PARN: variants seen among roughly 807,000 people sequenced by gnomAD.
PARN encodes the protein poly(A)-specific ribonuclease PARN.
Under a neutral mutation model 102.8 loss-of-function variants are expected in PARN, and 71 were observed. That is an observed-to-expected ratio of 0.69 (90% confidence interval 0.57 to 0.84). PARN has a LOEUF of 0.84. Ranked by LOEUF, PARN falls within the 40% of genes least tolerant of loss-of-function variation. The pLI, the probability that PARN is intolerant of heterozygous loss-of-function variation, is 0.00. For synonymous variants in PARN, 261 were observed against 252.9 expected (o/e 1.03, Z -0.30); for missense variants, 782 against 760.9 (o/e 1.03, Z -0.33).
chr16:14,578,127 G>A (rs1326061963), intron 18 of PARN, among the ~76,000 whole-genome samples: 5 of 148,408 alleles, frequency 3.4e-5, no homozygotes, highest in East Asian at 4.2e-4. Context: ...TCAGGAGTTT[G>A]AGACCAGCCT....
intron 21 of PARN, among the ~76,000 whole-genome samples, chr16:14,486,872 G>T (rs1173292432): frequency 1.3e-5 from 2 of 152,234 alleles, no homozygotes; most frequent in Non-Finnish European, 2.9e-5. Flanking sequence ...AATTTGTCAG[G>T]GAAATGATTC....
At chr16:14,613,760 G>C (rs772935994) in intron 6 of PARN, among the ~76,000 whole-genome samples, 5 of 152,174 alleles carry the variant, frequency 3.3e-5, no homozygotes, top group African/African-American at 4.8e-5. Flanking sequence ...GGCAAAAAAA[G>C]TGGTCCACGT....
chr16:14,514,407 C>T (rs373081545), intron 21 of PARN, among the ~76,000 whole-genome samples: 2 of 152,034 alleles, frequency 1.3e-5, no homozygotes, highest in African/African-American at 2.4e-5. Flanking sequence ...AGGATGATCT[C>T]GATCTCCTGA....
intron 22 of PARN, among the ~76,000 whole-genome samples, chr16:14,473,459 T>C (rs1962863211): frequency 6.6e-6 from 1 of 152,248 alleles, no homozygotes; most frequent in South Asian, 2.1e-4. Context: ...GCTAAGGCTC[T>C]ATCCCAAGGG....
At chr16:14,478,176 TGTG>T (rs1963177047) in intron 22 of PARN, among the ~76,000 whole-genome samples, 1 of 151,998 alleles carries the variant, frequency 6.6e-6, no homozygotes, top group African/African-American at 2.4e-5. Flanking sequence ...ATTAGCCAAG[TGTG>T]GTGGTGCACA....
At chr16:14,455,134 C>T (rs1397479373) in intron 22 of PARN, among the ~76,000 whole-genome samples, 4 of 152,168 alleles carry the variant, frequency 2.6e-5, no homozygotes, top group Non-Finnish European at 5.9e-5. Flanking sequence ...CAAGTATTAA[C>T]TAATATTTGT....
chr16:14,629,722 G>T, intron 1 of PARN, 48 bp from the exon 2 acceptor site: 1 of 1,391,226 alleles, frequency 7.2e-7, no homozygotes, highest in South Asian at 1.2e-5. Context: ...CTGAATTCCT[G>T]CTAAGGGGAG....
chr16:14,516,443 CA>C (rs1315221052), intron 21 of PARN, among the ~76,000 whole-genome samples: 1 of 151,962 alleles, frequency 6.6e-6, no homozygotes, highest in Admixed American at 6.6e-5. Flanking sequence ...ATATACATTT[CA>C]GTAAAACTAG....
chr16:14,630,007 C>T, intron 1 of PARN, 100 bp downstream of exon 1: 1 of 1,117,166 alleles, frequency 9.0e-7, no homozygotes, highest in Non-Finnish European at 1.3e-6. Context: ...GGGGCTGCCT[C>T]AGCCCCAGGC....
At chr16:14,457,797 C>CAAAA (rs35170336) in intron 22 of PARN, among the ~76,000 whole-genome samples, 3 of 30,150 alleles carry the variant, frequency 1.0e-4, no homozygotes, top group Non-Finnish European at 1.6e-4. Context: ...GACTCTGTCT[C>CAAAA]AAAAAAAAAA....
chr16:14,537,550 T>C (rs988879469), intron 21 of PARN, among the ~76,000 whole-genome samples: 2 of 152,092 alleles, frequency 1.3e-5, no homozygotes, highest in Admixed American at 6.5e-5. Flanking sequence ...CATCAAAAGA[T>C]GAGTGGATAA....
At chr16:14,513,374 T>C (rs1167630180) in intron 21 of PARN, among the ~76,000 whole-genome samples, 3 of 152,220 alleles carry the variant, frequency 2.0e-5, no homozygotes, top group Non-Finnish European at 2.9e-5. Context: ...TCTCAAACCA[T>C]TTTGAAGCCA....
chr16:14,621,486 T>A lies in PARN; in HGVS notation c.328-3836A>T, dbSNP rs531925241. On this transcript the variant is annotated intron_variant, in intron 5 of 23. Coordinates refer to ENST00000437198, the MANE Select transcript of PARN (RefSeq NM_002582.4). ...AATACGGTTAGAATAGTAAAATTTA[T>A]GTTACATATATTTTACCACAATTTT... Among the ~76,000 whole-genome samples, 29 of 152,348 alleles carry A rather than the reference T, an allele frequency of 1.9e-4. No homozygotes were observed. The South Asian group carries it at 5.8e-3, about 30-fold the overall frequency.
intron 6 of PARN, among the ~76,000 whole-genome samples, chr16:14,615,316 AAAC>A (rs1265498823): frequency 1.3e-5 from 2 of 152,088 alleles, no homozygotes; most frequent in Admixed American, 6.6e-5. Flanking sequence ...AAAAAAAAAA[AAAC>A]AAGTTAGAAC....
At chr16:14,603,255 T>G (rs1970984977) in intron 11 of PARN, among the ~76,000 whole-genome samples, 2 of 152,146 alleles carry the variant, frequency 1.3e-5, no homozygotes, top group South Asian at 4.1e-4. Flanking sequence ...GTTTCTGCGT[T>G]GTCCTTTTTA....
At chr16:14,567,723 G>C (rs1162682493) in intron 18 of PARN, among the ~76,000 whole-genome samples, 1 of 152,198 alleles carries the variant, frequency 6.6e-6, no homozygotes, top group African/African-American at 2.4e-5. Context: ...CTGGGAAAGG[G>C]ATGAGAAGGG....
intron 22 of PARN, among the ~76,000 whole-genome samples, chr16:14,453,111 T>TA (rs1961534957): frequency 6.6e-6 from 1 of 152,240 alleles, no homozygotes; most frequent in Non-Finnish European, 1.5e-5. Flanking sequence ...CATACAGATT[T>TA]ATAATGTACA....
chr16:14,495,276 C>T (rs1964253789), intron 21 of PARN, among the ~76,000 whole-genome samples: 1 of 151,998 alleles, frequency 6.6e-6, no homozygotes, highest in Admixed American at 6.5e-5. Flanking sequence ...CACTCGAGTT[C>T]ACGGGTTTGA....
chr16:14,561,529 T>C (rs960106031), intron 18 of PARN, among the ~76,000 whole-genome samples: 10 of 152,244 alleles, frequency 6.6e-5, no homozygotes, highest in African/African-American at 2.4e-4. Flanking sequence ...TTGTTTATAT[T>C]AAATCATTCT....
Sources: gnomAD v4.1 joint callset for allele counts (sites outside exome capture counted in the v4.1 genomes callset) on GRCh38, gnomAD v4.1.1 for gene constraint, MANE v1.5 for transcripts, NCBI Gene and HGNC (gene_info 2026-07-23, HGNC 2026-07-21) for gene names.